Variants in SMAD4 observed in about 807,000 individuals in gnomAD.
SMAD4 encodes MAD homolog 4.
A neutral mutation model predicts 63.2 loss-of-function variants in SMAD4; 7 were observed. That is an observed-to-expected ratio of 0.11 (90% CI 0.06 to 0.21). The LOEUF (loss-of-function observed/expected upper bound fraction) is 0.21, where lower values mean the gene tolerates loss of function less well. Among genes scored for constraint, SMAD4 ranks in the 10% least tolerant of loss-of-function variants. SMAD4 has a pLI of 1.00. For synonymous variants in SMAD4, 215 were observed against 235.4 expected (o/e 0.91, Z 0.79); for missense variants, 312 against 693.8 (o/e 0.45, Z 6.18).
chr18:51,041,778 C>T (rs1909391989), intron 1 of SMAD4, among the ~76,000 whole-genome samples: 1 of 152,144 alleles, frequency 6.6e-6, no homozygotes, highest in African/African-American at 2.4e-5. Flanking sequence ...CAGCAGTGCC[C>T]CCAGTTGATC....
intron 11 of SMAD4, 118 bp from the exon 12 acceptor site, chr18:51,078,138 A>C (rs1454473453): frequency 1.2e-6 from 1 of 835,338 alleles, no homozygotes; most frequent in Non-Finnish European, 2.0e-6. Flanking sequence ...TTAGCAGAGA[A>C]GTTATATGCT....
rs780866822 is a variant in SMAD4 at position 51,084,212 on chromosome 18, T to C, written c.*5745T>C. Reference sequence around the variant, plus strand: ...CACCCTCCTAAGTGGTGTGTGCTTGTAATTTTTTTTTTCAGTGAAAATGGA... The same window carrying C: ...CACCCTCCTAAGTGGTGTGTGCTTGCAATTTTTTTTTTCAGTGAAAATGGA... On this transcript the variant is annotated 3_prime_UTR_variant, in exon 12 of 12. Coordinates refer to ENST00000342988, the MANE Select transcript of SMAD4 (RefSeq NM_005359.6). 17 of 229,962 alleles carry C rather than the reference T, an allele frequency of 7.4e-5. No individual in the cohort carries two copies. Among genetic ancestry groups the C allele is most frequent in the Non-Finnish European group, 1.1e-4 (13 of 116,060 alleles). 14.2% of individuals were successfully genotyped at this position (229,962 alleles called of 1,614,324 possible). A position where few individuals can be genotyped will look rare whatever the true frequency, so the allele number is the denominator to read the frequency against.
intron 8 of SMAD4, among the ~76,000 whole-genome samples, chr18:51,062,848 CTTGTTT>C (rs1463780577): frequency 1.2e-5 from 1 of 83,598 alleles, no homozygotes; most frequent in East Asian, 4.2e-4. Context: ...TCTGGCTTTA[CTTGTTT>C]TTTTTTTTTT....
intron 3 of SMAD4, 52 bp downstream of exon 3, chr18:51,048,912 A>T (rs189904125): frequency 6.8e-7 from 1 of 1,477,528 alleles, no homozygotes; most frequent in Non-Finnish European, 9.4e-7. Context: ...AAGGATCTCA[A>T]TAGTGTTTCA....
chr18:51,055,897 A>G (rs368959904), intron 5 of SMAD4, among the ~76,000 whole-genome samples: 21 of 152,298 alleles, frequency 1.4e-4, no homozygotes, highest in East Asian at 3.9e-4. Flanking sequence ...TAGATTCAAC[A>G]TAGAAATTTT....
intron 1 of SMAD4, among the ~76,000 whole-genome samples, chr18:51,035,124 G>A (rs1486349107): frequency 6.6e-6 from 1 of 152,130 alleles, no homozygotes; most frequent in Non-Finnish European, 1.5e-5. Context: ...TGCCACATTT[G>A]CTTTGCTTCT....
At chr18:51,076,602 T>A in intron 10 of SMAD4, 36 bp from the exon 11 acceptor site, 1 of 1,601,118 alleles carries the variant, frequency 6.2e-7, no homozygotes, top group African/African-American at 1.3e-5. Context: ...AATTTTTCTT[T>A]ATGAACTCAT....
chr18:51,036,889 G>A (rs1909221579), intron 1 of SMAD4, among the ~76,000 whole-genome samples: 1 of 152,240 alleles, frequency 6.6e-6, no homozygotes, highest in African/African-American at 2.4e-5. Flanking sequence ...CGGGTGCGGT[G>A]ACTCACGCCT....
chr18:51,033,617 A>G (rs1488448791), intron 1 of SMAD4, among the ~76,000 whole-genome samples: 5 of 152,240 alleles, frequency 3.3e-5, no homozygotes, highest in East Asian at 1.9e-4. Flanking sequence ...AGATATATTC[A>G]TTTGAGCTAC....
At position 51,081,394 on chromosome 18, in the gene SMAD4, G is replaced by A. The variant is rs186751378; in HGVS notation, c.*2927G>A. On this transcript the variant is annotated 3_prime_UTR_variant, in exon 12 of 12. Transcript: ENST00000342988. ...GCCTTTATTTTCCGGGGAGTAGATC[G>A]TGGGATATAGTCTATCTCATTTTTA... The A allele has an allele frequency of 6.5e-5, 15 of 229,574 alleles. No homozygotes were observed. Among genetic ancestry groups the A allele is most frequent in the Admixed American group, 5.1e-4 (9 of 17,676 alleles). 14.2% of individuals were successfully genotyped at this position (229,574 alleles called of 1,614,324 possible).
chr18:51,052,177 A>G (rs1909729793), intron 4 of SMAD4: 1 of 152,380 alleles, frequency 6.6e-6, no homozygotes, highest in Non-Finnish European at 1.5e-5. Flanking sequence ...TTAAATAATA[A>G]TAGCTAACAC....
chr18:51,076,397 C>A (rs1910471475), intron 10 of SMAD4, among the ~76,000 whole-genome samples: 2 of 152,134 alleles, frequency 1.3e-5, no homozygotes, highest in African/African-American at 4.8e-5. Flanking sequence ...ATAAAAGATA[C>A]AGAGGCGTGT....
At chr18:51,032,477 C>T (rs1048916529) in intron 1 of SMAD4, among the ~76,000 whole-genome samples, 7 of 152,178 alleles carry the variant, frequency 4.6e-5, no homozygotes, top group Non-Finnish European at 1.0e-4. Context: ...CTGTTTGAAG[C>T]AATTCTCCCT....
In SMAD4 at chr18:51,083,539, C is replaced by A. The variant is rs534145759; in HGVS notation, c.*5072C>A. On this transcript the variant is annotated 3_prime_UTR_variant, in exon 12 of 12. Transcript: ENST00000342988. The stretch of plus-strand genomic sequence containing the variant: ...TCATTTCTCTCTGTTGATGTGGATA[C>A]TTTTCACACCGTTTATTTAAATGCT... The A allele has an allele frequency of 1.8e-5, 4 of 224,248 alleles. No homozygotes were observed. The highest frequency in any genetic ancestry group is 6.7e-5 in the African/African-American group (3 of 44,478). The allele number at this position is 224,248 out of a possible 1,614,324, so 13.9% of individuals were successfully genotyped here. A position where few individuals can be genotyped will look rare whatever the true frequency, so the allele number is the denominator to read the frequency against.
In SMAD4 at chr18:51,084,006, GCGCGCGCACACACA is replaced by G. The variant is rs773673392; in HGVS notation, c.*5541_*5554del. 0.01 allele frequency: 2,003 copies of G among 197,450 alleles called. 5 individuals carry two copies. The highest frequency in any genetic ancestry group is 0.029 in the East Asian group (414 of 14,290). 12.2% of individuals were successfully genotyped at this position (197,450 alleles called of 1,614,324 possible). ...AAACACTTAACGCGCGTGCGCACGC[GCGCGCGCACACACA>G]CACACACACACACACACACACACAG... is the stretch of plus-strand genomic sequence containing the variant. On this transcript the variant is annotated 3_prime_UTR_variant, in exon 12 of 12. Coordinates refer to ENST00000342988, the MANE Select transcript of SMAD4 (RefSeq NM_005359.6).
intron 11 of SMAD4, chr18:51,077,082 A>G (rs1013854561): frequency 4.0e-5 from 8 of 199,432 alleles, no homozygotes; most frequent in Non-Finnish European, 7.0e-5. Flanking sequence ...CTCACCAGCC[A>G]GGGTGGGTTG....
rs1192550970 is a variant in SMAD4, at chr18:51,083,271, G to C, written c.*4804G>C. On this transcript the variant is annotated 3_prime_UTR_variant, in exon 12 of 12. Coordinates refer to ENST00000342988, the MANE Select transcript of SMAD4 (RefSeq NM_005359.6). Reference sequence around the variant, plus strand: ...AAACTAAGGCCATTTGTTTTGTTTTGGTGTCCCCTTTGAAGCCCTGCCTTC... The same window carrying C: ...AAACTAAGGCCATTTGTTTTGTTTTCGTGTCCCCTTTGAAGCCCTGCCTTC... 4.4e-6 allele frequency: 1 copy of C among 226,418 alleles called. No individual in the cohort carries two copies. Among genetic ancestry groups the C allele is most frequent in the Non-Finnish European group, 8.8e-6 (1 of 113,842 alleles). 14.0% of individuals were successfully genotyped at this position (226,418 alleles called of 1,614,324 possible).
intron 1 of SMAD4, among the ~76,000 whole-genome samples, chr18:51,030,941 C>T (rs1909029921): frequency 6.6e-6 from 1 of 152,170 alleles, no homozygotes; most frequent in East Asian, 1.9e-4. Context: ...TTCACGGTCG[C>T]CCCGGCTGAG....
chr18:51,056,184 T>C (rs1599187992), intron 5 of SMAD4, among the ~76,000 whole-genome samples: 2 of 152,312 alleles, frequency 1.3e-5, no homozygotes. Flanking sequence ...TGGGTAGTGA[T>C]AGAAAATAAA....
Sources: allele counts gnomAD v4.1 joint callset (sites outside exome capture counted in the v4.1 genomes callset), GRCh38; gene constraint gnomAD v4.1.1; transcripts MANE v1.5; gene names NCBI Gene and HGNC (gene_info 2026-07-23, HGNC 2026-07-21).